C5orf34: variants seen among roughly 807,000 people sequenced by gnomAD.
C5orf34 encodes the protein uncharacterized protein C5orf34.
A neutral mutation model predicts 78.4 loss-of-function variants in C5orf34; 73 were observed. That is an observed-to-expected ratio of 0.93 (90% CI 0.77 to 1.13). The LOEUF is 1.13. Ranked by LOEUF, C5orf34 falls within the 50% of genes most tolerant of loss-of-function variation. C5orf34 has a pLI of 0.00. For missense variants in C5orf34, 730 were observed against 732.7 expected (o/e 1.00, Z 0.04); for synonymous variants, 251 against 246.6 (o/e 1.02, Z -0.17).
In C5orf34 at chr5:43,509,312, A is replaced by G. The variant is rs932005385; in HGVS notation, c.28T>C (p.Tyr10His). 6.2e-7 allele frequency: 1 copy of G among 1,612,750 alleles called. No individual in the cohort carries two copies. The highest frequency in any genetic ancestry group is 1.3e-5 in the African/African-American group (1 of 74,986). The change falls in exon 2 of 13, where the codon TAT becomes CAT. Residue 10 changes from tyrosine to histidine, a missense_variant. By Grantham distance (83) the Tyr-to-His change is moderately conservative. Transcript: ENST00000306862. MAAELRMIL[Y>H]EDDSVQVQYV... Reference sequence around the variant, plus strand: ...TGTACTTGTACTGAATCATCTTCATAAAGTATCATTCGCAGTTCAGCTGCC... The same window carrying G: ...TGTACTTGTACTGAATCATCTTCATGAAGTATCATTCGCAGTTCAGCTGCC...
Position 43,495,486 on chromosome 5 carries a change from C to T in C5orf34, c.1153-885G>A, listed in dbSNP as rs181062889. ...GGGTCATTTTTGCTGTCACCAGCAA[C>T]GTTGCCACGACGAACATCCTTGACA... is the stretch of plus-strand genomic sequence containing the variant. On this transcript the variant is annotated intron_variant, in intron 6 of 12. Coordinates refer to ENST00000306862, the MANE Select transcript of C5orf34 (RefSeq NM_198566.4). The T allele has an allele frequency of 1.0e-4, 167 of 1,606,518 alleles. No homozygotes were observed. In the East Asian group the frequency reaches 1.4e-3, roughly 13 times the overall value.
chr5:43,515,099 G>C lies in C5orf34; in HGVS notation c.-330C>G, dbSNP rs529654733. 2.6e-5 allele frequency: 4 copies of C among 152,326 alleles called. No individual in the cohort carries two copies. The highest frequency in any genetic ancestry group is 9.6e-5 in the African/African-American group (4 of 41,558). 9.4% of individuals were successfully genotyped at this position (152,326 alleles called of 1,614,324 possible). ...CTAAGAGAAAGCGCAAACCGCACAA[G>C]ACCAGTTCAAAACCAGCGCCCTCAG... is the stretch of plus-strand genomic sequence containing the variant. On this transcript the variant is annotated 5_prime_UTR_variant, in exon 1 of 13. Transcript: ENST00000306862.
chr5:43,491,522 G>A (rs768290212), intron 10 of C5orf34, among the ~76,000 whole-genome samples: 18 of 152,034 alleles, frequency 1.2e-4, no homozygotes, highest in Admixed American at 2.6e-4. Context: ...TAATCATTGC[G>A]TAATTTTATC....
intron 5 of C5orf34, 74 bp downstream of exon 5, chr5:43,503,591 G>A: frequency 1.0e-6 from 1 of 969,582 alleles, no homozygotes; most frequent in South Asian, 1.3e-5. Context: ...CTGTCTATAA[G>A]GCTCGTCCCA....
At chr5:43,508,154 A>T (rs1431575918) in intron 3 of C5orf34, among the ~76,000 whole-genome samples, 1 of 152,048 alleles carries the variant, frequency 6.6e-6, no homozygotes, top group Non-Finnish European at 1.5e-5. Context: ...CATTTTGATC[A>T]GTATGGTGTT....
At chr5:43,496,767 G>A (rs1394908784) in intron 6 of C5orf34, among the ~76,000 whole-genome samples, 1 of 145,458 alleles carries the variant, frequency 6.9e-6, no homozygotes, top group Non-Finnish European at 1.5e-5. Context: ...AAGTTTTTTT[G>A]TAGAGGCGAG....
At chr5:43,499,324 G>A in intron 6 of C5orf34, among the ~76,000 whole-genome samples, 1 of 152,082 alleles carries the variant, frequency 6.6e-6, no homozygotes, top group Non-Finnish European at 1.5e-5. Flanking sequence ...TGGAATTATA[G>A]ATCCTAGCTT....
intron 6 of C5orf34, among the ~76,000 whole-genome samples, chr5:43,497,553 A>T (rs1398972458): frequency 6.6e-6 from 1 of 152,160 alleles, no homozygotes; most frequent in Non-Finnish European, 1.5e-5. Flanking sequence ...TCAAATCACA[A>T]GTCTGCCTCT....
At chr5:43,495,080 G>A in intron 6 of C5orf34, 1 of 1,497,046 alleles carries the variant, frequency 6.7e-7, no homozygotes, top group Non-Finnish European at 9.3e-7. Context: ...TATTCATTTA[G>A]CCTTCTGAGC....
At chr5:43,502,525 T>G (rs1745805018) in intron 5 of C5orf34, 30 bp from the exon 6 acceptor site, 2 of 1,415,778 alleles carry the variant, frequency 1.4e-6, no homozygotes, top group Non-Finnish European at 1.9e-6. Flanking sequence ...ATTAAAAATT[T>G]TTTTCCACTT....
intron 4 of C5orf34, among the ~76,000 whole-genome samples, chr5:43,504,881 C>T (rs4481352): frequency 0.98 from 149,014 of 152,340 alleles, 72,971 homozygotes; most frequent in Middle Eastern, 1. Context: ...TCATGACAAG[C>T]CTAACAGTCA....
rs538074317 is a variant in C5orf34 at position 43,508,822 on chromosome 5, G to A, written c.196-156C>T. On this transcript the variant is annotated intron_variant, in intron 2 of 12. Transcript: ENST00000306862. ...TCAAAGAGTAGTTTTGGCCAGGCACGGTGGTTCACTCCTGTAATCCTGGCA... is the reference window on the plus strand; with the variant it reads ...TCAAAGAGTAGTTTTGGCCAGGCACAGTGGTTCACTCCTGTAATCCTGGCA... Among the ~76,000 whole-genome samples the A allele has an allele frequency of 6.6e-5, 10 of 152,326 alleles. No homozygotes were observed. In the East Asian group the frequency reaches 1.2e-3, roughly 18 times the overall value.
intron 11 of C5orf34, among the ~76,000 whole-genome samples, chr5:43,489,593 T>G (rs1241130291): frequency 2.0e-5 from 3 of 152,142 alleles, no homozygotes; most frequent in Non-Finnish European, 4.4e-5. Flanking sequence ...ATCACAATTG[T>G]TTTTTGCTAG....
chr5:43,488,028 CT>C (rs3836781), intron 11 of C5orf34, 79 bp from the exon 12 acceptor site: 15,081 of 1,054,736 alleles, frequency 0.014, 381 homozygotes, highest in East Asian at 0.12. Context: ...GCATACCTGA[CT>C]TTTTTTTTCA....
At position 43,505,819 on chromosome 5, in the gene C5orf34, C is replaced by T. The variant is rs1486737351; in HGVS notation, c.861G>A (p.Glu287=). The T allele has an allele frequency of 1.2e-6, 2 of 1,612,594 alleles. No homozygotes were observed. Among genetic ancestry groups the T allele is most frequent in the East Asian group, 2.2e-5 (1 of 44,858 alleles). Residue 287 remains glutamate, a synonymous_variant, in exon 4 of 13, where the codon GAG becomes GAA. Coordinates refer to ENST00000306862, the MANE Select transcript of C5orf34 (RefSeq NM_198566.4). ...QSRFLTSDIS[E]ERGKVVSVLP... is the part of the protein sequence containing the mutation. ...GAACAGAAACCACTTTTCCTCTTTC[C>T]TCTGAAATATCAGAAGTTAAAAATC...
intron 6 of C5orf34, among the ~76,000 whole-genome samples, chr5:43,499,882 T>C (rs530539877): frequency 6.6e-6 from 1 of 152,306 alleles, no homozygotes; most frequent in South Asian, 2.1e-4. Flanking sequence ...TTAATGAACA[T>C]TTATTTAGGT....
At chr5:43,510,532 A>G (rs537904747) in intron 1 of C5orf34, among the ~76,000 whole-genome samples, 1 of 151,934 alleles carries the variant, frequency 6.6e-6, no homozygotes, top group East Asian at 1.9e-4. Flanking sequence ...GCTCACTGCA[A>G]CCTCCCTGTC....
chr5:43,503,768 G>A lies in C5orf34; in HGVS notation c.933-8C>T. 1 of 1,571,908 alleles carries A rather than the reference G, an allele frequency of 6.4e-7. No homozygotes were observed. The highest frequency in any genetic ancestry group is 8.8e-7 in the Non-Finnish European group (1 of 1,141,878). ...GAATCACAAAAATTCCACCTGTGAA[G>A]GATAAAATACAAGCTATTACTTCTG... On this transcript the variant is annotated splice_region_variant and splice_polypyrimidine_tract_variant and intron_variant, in intron 4 of 12. Transcript: ENST00000306862.
intron 6 of C5orf34, chr5:43,495,308 C>A: frequency 1.9e-6 from 3 of 1,611,098 alleles, no homozygotes; most frequent in Non-Finnish European, 2.5e-6. Context: ...CAGCTTTTTA[C>A]CAGAACCGCG....
Sources: gnomAD v4.1 joint callset for allele counts (sites outside exome capture counted in the v4.1 genomes callset) on GRCh38, gnomAD v4.1.1 for gene constraint, MANE v1.5 for transcripts, NCBI Gene and HGNC (gene_info 2026-07-23, HGNC 2026-07-21) for gene names.